CHD1: variants seen among roughly 807,000 people sequenced by gnomAD.
The protein encoded by CHD1 is ATP-dependent chromatin remodeler CHD1.
CHD1 carries 36 observed loss-of-function variants against 224.2 expected under a neutral mutation model. That is an observed-to-expected ratio of 0.16 (90% confidence interval 0.12 to 0.21). CHD1 has a LOEUF of 0.21. CHD1 is among the 10% of genes least tolerant of loss of function. The pLI is 1.00. For missense variants in CHD1, 1,378 were observed against 1,994.8 expected, an observed-to-expected ratio of 0.69 and a Z score of 5.89; for synonymous variants, 668 against 658.3, an observed-to-expected ratio of 1.01 and a Z score of -0.23.
intron 31 of CHD1, among the ~76,000 whole-genome samples, chr5:98,865,683 G>A (rs1380713937): frequency 6.6e-6 from 1 of 152,176 alleles, no homozygotes; most frequent in Non-Finnish European, 1.5e-5. Context: ...TGTTTAGAGA[G>A]TGACGACCTA....
chr5:98,915,526 G>A (rs1277900621), intron 2 of CHD1, among the ~76,000 whole-genome samples: 4 of 152,110 alleles, frequency 2.6e-5, no homozygotes, highest in African/African-American at 9.7e-5. Flanking sequence ...GAGAAATAAG[G>A]GCTATGGATA....
At chr5:98,861,667 A>G (rs1425178974) in intron 32 of CHD1, among the ~76,000 whole-genome samples, 2 of 146,924 alleles carry the variant, frequency 1.4e-5, no homozygotes, top group Admixed American at 1.4e-4. Context: ...ATGCCCGACT[A>G]CTTTTTTTTT....
At chr5:98,894,827 T>G (rs1401029040) in intron 12 of CHD1, 141 bp from the exon 13 acceptor site, 6 of 248,490 alleles carry the variant, frequency 2.4e-5, no homozygotes, top group African/African-American at 1.3e-4. Context: ...GTTTTTGTGG[T>G]TTTTTTTTTT....
intron 32 of CHD1, among the ~76,000 whole-genome samples, chr5:98,862,254 G>A (rs1267733178): frequency 2.0e-5 from 3 of 152,164 alleles, no homozygotes; most frequent in Non-Finnish European, 4.4e-5. Flanking sequence ...TCCCCCTTAA[G>A]GGAATTTGGT....
intron 2 of CHD1, among the ~76,000 whole-genome samples, chr5:98,922,758 G>A (rs1055942749): frequency 5.9e-5 from 9 of 152,200 alleles, no homozygotes; most frequent in Admixed American, 5.9e-4. Context: ...GGAGGCCAAG[G>A]CGGGCAGATC....
At chr5:98,910,975 G>T (rs1046179143) in intron 2 of CHD1, among the ~76,000 whole-genome samples, 2 of 150,934 alleles carry the variant, frequency 1.3e-5, no homozygotes, top group Non-Finnish European at 3.0e-5. Context: ...CATCCTCTCT[G>T]AAGTTTTAAA....
intron 25 of CHD1, among the ~76,000 whole-genome samples, chr5:98,874,647 G>A (rs1417226162): frequency 6.6e-6 from 1 of 151,574 alleles, no homozygotes; most frequent in Non-Finnish European, 1.5e-5. Flanking sequence ...ATGAGGTGGA[G>A]GTTACAGTGA....
chr5:98,865,189 A>T (rs577921261), intron 31 of CHD1, among the ~76,000 whole-genome samples: 71 of 152,346 alleles, frequency 4.7e-4, no homozygotes, highest in Non-Finnish European at 9.3e-4. Context: ...GAAAAAACAA[A>T]CATGAAAGTC....
chr5:98,907,212 T>C (rs928028903), intron 2 of CHD1, among the ~76,000 whole-genome samples: 2 of 152,238 alleles, frequency 1.3e-5, no homozygotes, highest in African/African-American at 2.4e-5. Flanking sequence ...CACAGGTTTA[T>C]TGTTAGAATG....
chr5:98,898,391 G>A lies in CHD1; in HGVS notation c.1230C>T (p.Tyr410=). 3 of 1,592,746 alleles carry A rather than the reference G, an allele frequency of 1.9e-6. No homozygotes were observed. Among genetic ancestry groups the A allele is most frequent in the Non-Finnish European group, 2.6e-6 (3 of 1,171,974 alleles). ...AGTATGGAAGGCCCTGCCATTTGCAGTAATAATCAGGATAACCAGCTGCTG... is the reference window on the plus strand; with the variant it reads ...AGTATGGAAGGCCCTGCCATTTGCAATAATAATCAGGATAACCAGCTGCTG... The part of the protein sequence containing the change: ...QKSAAGYPDY[Y]CKWQGLPYSE... Residue 410 remains tyrosine (Y), a synonymous_variant, in exon 10 of 36, where the codon TAC becomes TAT. Coordinates refer to ENST00000614616, the MANE Select transcript of CHD1 (RefSeq NM_001270.4).
intron 24 of CHD1, among the ~76,000 whole-genome samples, 187 bp downstream of exon 24, chr5:98,876,211 T>A (rs924383445): frequency 6.6e-6 from 1 of 152,208 alleles, no homozygotes; most frequent in Non-Finnish European, 1.5e-5. Flanking sequence ...ATGCAAAGAT[T>A]AGACACCAAA....
At chr5:98,858,936 A>C (rs1473892027) in intron 34 of CHD1, 28 bp downstream of exon 34, 1 of 1,469,774 alleles carries the variant, frequency 6.8e-7, no homozygotes, top group Non-Finnish European at 9.0e-7. Flanking sequence ...TTTTTAATTT[A>C]TTTTCCCAAT....
intron 2 of CHD1, among the ~76,000 whole-genome samples, chr5:98,911,757 A>T (rs1029653104): frequency 2.6e-5 from 4 of 152,198 alleles, no homozygotes; most frequent in Admixed American, 2.6e-4. Context: ...AGAAAAACCC[A>T]AATTGAGAAA....
At position 98,908,760 on chromosome 5, in the gene CHD1, C is replaced by T. The variant is rs556785354; in HGVS notation, c.54-3662G>A. On this transcript the variant is annotated intron_variant, in intron 2 of 35. Coordinates refer to ENST00000614616, the MANE Select transcript of CHD1 (RefSeq NM_001270.4). The stretch of plus-strand genomic sequence containing the variant: ...CAGTATTAAAGTGGTAGGTAGATTG[C>T]TAAAAACACTGAATTCTTAATTCAG... Among the ~76,000 whole-genome samples the T allele has an allele frequency of 1.3e-4, 20 of 151,774 alleles. No homozygotes were observed. The East Asian group carries it at 3.7e-3, about 28-fold the overall frequency.
chr5:98,868,520 T>C lies in CHD1; in HGVS notation c.4223A>G (p.Glu1408Gly), dbSNP rs751153238. 6.2e-7 allele frequency: 1 copy of C among 1,611,580 alleles called. No individual in the cohort carries two copies. The highest frequency in any genetic ancestry group is 2.2e-5 in the East Asian group (1 of 44,840). ...AATGCTGAATGTCTTCTGATCCAGC[T>C]CTTCAGATTCTTCAGAAATGGGAAC... ...EPVPISEESE[E>G]LDQKTFSICK... The change falls in exon 31 of 36, where the codon GAG (glutamate) becomes GGG (glycine). Residue 1408 changes from glutamate (E) to glycine (G), a missense_variant. By Grantham distance (98) the Glu-to-Gly change is moderately conservative. Around this residue, in one of 16 missense-constraint regions of CHD1, gnomAD observed 23 missense variants for 65.8 expected, o/e 0.35. Transcript: ENST00000614616.
intron 2 of CHD1, among the ~76,000 whole-genome samples, chr5:98,922,223 C>T (rs1753145373): frequency 6.6e-6 from 1 of 151,954 alleles, no homozygotes; most frequent in Non-Finnish European, 1.5e-5. Context: ...TTGCAAATAC[C>T]ACCACAAATC....
intron 1 of CHD1, among the ~76,000 whole-genome samples, chr5:98,926,955 C>T (rs1307260600): frequency 6.7e-6 from 1 of 149,592 alleles, no homozygotes; most frequent in East Asian, 2.0e-4. Flanking sequence ...TTTAATCAAG[C>T]CCTCACTCCT....
intron 1 of CHD1, among the ~76,000 whole-genome samples, chr5:98,927,892 G>A (rs1242013891): frequency 6.6e-6 from 1 of 152,120 alleles, no homozygotes; most frequent in Non-Finnish European, 1.5e-5. Flanking sequence ...AGCGCACACA[G>A]CGCTGTGTCC....
chr5:98,880,137 CAG>C (rs1239818226), intron 22 of CHD1, among the ~76,000 whole-genome samples: 6 of 152,310 alleles, frequency 3.9e-5, no homozygotes, highest in African/African-American at 1.4e-4. Context: ...GAGCTACTGG[CAG>C]AGACATAGAG....
Sources: allele counts gnomAD v4.1 joint callset (sites outside exome capture counted in the v4.1 genomes callset), GRCh38; gene constraint gnomAD v4.1.1; regional missense constraint gnomAD v4.1.1; transcripts MANE v1.5; gene names NCBI Gene and HGNC (gene_info 2026-07-23, HGNC 2026-07-21).